CEP162: variants seen among roughly 807,000 people sequenced by gnomAD.
The protein encoded by CEP162 is centrosomal protein 162.
In CEP162, 141 loss-of-function variants were observed where a neutral mutation model predicts 169.2. The ratio of observed to expected loss-of-function variants is 0.83; its 90% CI spans 0.73 to 0.96. The LOEUF is 0.96. CEP162 is among the 40% of genes least tolerant of loss of function. The pLI is 0.00. For synonymous variants in CEP162, 540 were observed against 526.4 expected (o/e 1.03, Z -0.35); for missense variants, 1,600 against 1,587.2 (o/e 1.01, Z -0.14).
intron 25 of CEP162, among the ~76,000 whole-genome samples, chr6:84,137,252 A>G (rs1366286294): frequency 6.6e-6 from 1 of 152,232 alleles, no homozygotes; most frequent in Non-Finnish European, 1.5e-5. Flanking sequence ...GCCTGTATCC[A>G]GCATGCCAAG....
chr6:84,197,588 G>C (rs2099542665), intron 9 of CEP162, among the ~76,000 whole-genome samples: 1 of 151,920 alleles, frequency 6.6e-6, no homozygotes, highest in Non-Finnish European at 1.5e-5. Context: ...TGAAGCAGGT[G>C]GATCACCTGA....
In CEP162 at chr6:84,215,042, A is replaced by G. The variant is rs375415339; in HGVS notation, c.503+240T>C. On this transcript the variant is annotated intron_variant, in intron 5 of 26. Transcript: ENST00000403245. Reference sequence around the variant, plus strand: ...AGTAAGGACTTCTTGGCAATGTACTATTAGTCTCAATAGCATGAAATTTCA... The same window carrying G: ...AGTAAGGACTTCTTGGCAATGTACTGTTAGTCTCAATAGCATGAAATTTCA... 3.4e-4 allele frequency among the ~76,000 whole-genome samples: 52 copies of G among 152,348 alleles called. No homozygotes were observed. In the South Asian group the frequency reaches 0.011, roughly 32 times the overall value.
intron 11 of CEP162, among the ~76,000 whole-genome samples, chr6:84,191,111 G>A (rs982441934): frequency 5.9e-5 from 9 of 151,318 alleles, no homozygotes; most frequent in East Asian, 3.9e-4. Context: ...ATTAAGTTAC[G>A]AAACTTTCTG....
chr6:84,177,965 T>G (rs1694813270), intron 13 of CEP162, among the ~76,000 whole-genome samples: 1 of 152,194 alleles, frequency 6.6e-6, no homozygotes, highest in African/African-American at 2.4e-5. Context: ...ATAATTGTAT[T>G]GAATTAACAA....
intron 2 of CEP162, among the ~76,000 whole-genome samples, chr6:84,225,214 T>C (rs1348485462): frequency 6.6e-6 from 1 of 152,184 alleles, no homozygotes; most frequent in Non-Finnish European, 1.5e-5. Context: ...GATTTCATCA[T>C]AGGAGCATCA....
rs774733035 is a variant in CEP162 at position 84,153,136 on chromosome 6, G to A, written c.3038C>T (p.Ala1013Val). Residue 1013 changes from alanine to valine, a missense_variant, in exon 23 of 27, where the codon GCC becomes GTC. Ala to Val is a moderately conservative substitution (Grantham distance 64, BLOSUM62 0). Coordinates refer to ENST00000403245, the MANE Select transcript of CEP162 (RefSeq NM_014895.4). ...QRLEQQEQLLACKLNQHDSPR... is the reference protein window; with the variant it reads ...QRLEQQEQLLVCKLNQHDSPR... ...AGAGTCATGTTGATTCAATTTGCAG[G>A]CAAGTAGCTGCTCCTGCTGCTCTAG... 6.2e-6 allele frequency: 10 copies of A among 1,609,144 alleles called. No individual in the cohort carries two copies. The highest frequency in any genetic ancestry group is 6.8e-6 in the Non-Finnish European group (8 of 1,178,600).
At position 84,153,054 on chromosome 6, in the gene CEP162, G is replaced by C. The variant is rs759797091; in HGVS notation, c.3120C>G (p.Ile1040Met). Residue 1040 changes from isoleucine to methionine, a missense_variant, in exon 23 of 27, where the codon ATC (isoleucine) becomes ATG (methionine). Coordinates refer to ENST00000403245, the MANE Select transcript of CEP162 (RefSeq NM_014895.4). ...ELDDIKEAHQ[I>M]TVRNLEAEID... is the part of the protein sequence containing the mutation. ...TTTCGGCTTCAAGGTTTCTTACAGT[G>C]ATCTGATGGGCTTCCTTGATGTCAT... is the stretch of plus-strand genomic sequence containing the variant. 1.2e-5 allele frequency: 20 copies of C among 1,613,386 alleles called. No individual in the cohort carries two copies. The highest frequency in any genetic ancestry group is 1.6e-5 in the Non-Finnish European group (19 of 1,179,722).
chr6:84,129,455 CAT>C lies in CEP162; in HGVS notation c.3871-2945_3871-2944del, dbSNP rs1322786084. ...TAATGACCAGCGATGAGCTTTTTTT[CAT>C]ATGTTTGTTGACTGCATAAATGTCT... On this transcript the variant is annotated intron_variant, in intron 25 of 26. Coordinates refer to ENST00000403245, the MANE Select transcript of CEP162 (RefSeq NM_014895.4). 4.6e-5 allele frequency among the ~76,000 whole-genome samples: 7 copies of C among 152,126 alleles called. No homozygotes were observed. The East Asian group carries it at 9.6e-4, about 21-fold the overall frequency.
chr6:84,149,969 C>T (rs1239428968), intron 23 of CEP162, among the ~76,000 whole-genome samples: 1 of 152,124 alleles, frequency 6.6e-6, no homozygotes, highest in Non-Finnish European at 1.5e-5. Context: ...CCTGAGGCTA[C>T]ACTTTCTGAG....
intron 25 of CEP162, among the ~76,000 whole-genome samples, chr6:84,143,447 C>A (rs2099517530): frequency 6.6e-6 from 1 of 151,590 alleles, no homozygotes; most frequent in Non-Finnish European, 1.5e-5. Flanking sequence ...ACTTTGTATG[C>A]AAAATATACA....
chr6:84,129,450 T>C (rs2099510331), intron 25 of CEP162, among the ~76,000 whole-genome samples: 1 of 152,218 alleles, frequency 6.6e-6, no homozygotes. Context: ...CGATGAGCTT[T>C]TTTTCATATG....
chr6:84,225,238 C>T (rs1291123175), intron 2 of CEP162, among the ~76,000 whole-genome samples: 3 of 152,094 alleles, frequency 2.0e-5, no homozygotes, highest in African/African-American at 7.2e-5. Context: ...AGTATATTTA[C>T]ACAAACCTAG....
chr6:84,208,723 T>A (rs73750544), intron 6 of CEP162, among the ~76,000 whole-genome samples: 1 of 152,362 alleles, frequency 6.6e-6, no homozygotes, highest in East Asian at 1.9e-4. Flanking sequence ...ATTTGTATTC[T>A]GAGGCTGAGA....
intron 13 of CEP162, among the ~76,000 whole-genome samples, chr6:84,182,574 C>T (rs900755329): frequency 2.6e-5 from 4 of 152,086 alleles, no homozygotes; most frequent in African/African-American, 9.7e-5. Flanking sequence ...AACTTACGGC[C>T]ACAAGATCAA....
rs2099525821 is a variant in CEP162, at chr6:84,161,650, T to C, written c.2676+96A>G. On this transcript the variant is annotated intron_variant, in intron 20 of 26. Transcript: ENST00000403245. ...TCTTAATTAATAGTTCAGATCTTAA[T>C]TAATTAATGATGCAATGACAAAAGG... 10 of 864,412 alleles carry C rather than the reference T, an allele frequency of 1.2e-5. No individual in the cohort carries two copies. The South Asian group carries it at 1.5e-4, about 13-fold the overall frequency. 53.5% of individuals were successfully genotyped at this position (864,412 alleles called of 1,614,324 possible). A position where few individuals can be genotyped will look rare whatever the true frequency, so the allele number is the denominator to read the frequency against.
At chr6:84,180,461 T>C (rs2099534312) in intron 13 of CEP162, among the ~76,000 whole-genome samples, 1 of 151,782 alleles carries the variant, frequency 6.6e-6, no homozygotes, top group Non-Finnish European at 1.5e-5. Flanking sequence ...CTCTCACCAC[T>C]CCTATTCAAC....
At chr6:84,203,303 G>A (rs1215081697) in intron 7 of CEP162, among the ~76,000 whole-genome samples, 1 of 152,160 alleles carries the variant, frequency 6.6e-6, no homozygotes, top group East Asian at 1.9e-4. Flanking sequence ...ATTAGGGAAG[G>A]ACATTTACTA....
chr6:84,132,636 G>A (rs1471430190), intron 25 of CEP162, among the ~76,000 whole-genome samples: 2 of 151,884 alleles, frequency 1.3e-5, no homozygotes, highest in East Asian at 1.9e-4. Flanking sequence ...TGATCGAATT[G>A]GCTACTGAAG....
chr6:84,125,161 T>G lies in CEP162; in HGVS notation c.4121A>C (p.Asp1374Ala). 6.2e-7 allele frequency: 1 copy of G among 1,613,614 alleles called. No homozygotes were observed. The highest frequency in any genetic ancestry group is 8.5e-7 in the Non-Finnish European group (1 of 1,179,676). The change falls in exon 27 of 27, where the codon GAC (aspartate) becomes GCC (alanine). Residue 1374 changes from aspartate to alanine, a missense_variant. Coordinates refer to ENST00000403245, the MANE Select transcript of CEP162 (RefSeq NM_014895.4). ...RELEKFRTEL[D>A]SILDVLRELH... ...CTCTCGGAGAACATCTAATATTGAG[T>G]CTAGTTCTGTGCGGAACTTCTCCAG...
Sources: gnomAD v4.1 joint callset for allele counts (sites outside exome capture counted in the v4.1 genomes callset) on GRCh38, gnomAD v4.1.1 for gene constraint, MANE v1.5 for transcripts, NCBI Gene and HGNC (gene_info 2026-07-23, HGNC 2026-07-21) for gene names.